Variants in SCN1A observed in about 807,000 individuals in gnomAD.
The protein encoded by SCN1A is sodium channel protein type 1 subunit alpha.
In SCN1A, 13 loss-of-function variants were observed where a neutral mutation model predicts 193.7. The ratio of observed to expected loss-of-function variants is 0.07; its 90% confidence interval spans 0.04 to 0.11. The LOEUF (loss-of-function observed/expected upper bound fraction) is 0.11. Ranked by LOEUF, SCN1A falls within the 10% of genes least tolerant of loss-of-function variation. The pLI, the probability that SCN1A is intolerant of heterozygous loss-of-function variation, is 1.00. For synonymous variants in SCN1A, 781 were observed against 843.6 expected (o/e 0.93, Z 1.29); for missense variants, 1,432 against 2,451.1 (o/e 0.58, Z 8.78).
At chr2:166,147,514 T>C (rs931991967) in intron 1 of SCN1A, among the ~76,000 whole-genome samples, 6 of 152,200 alleles carry the variant, frequency 3.9e-5, no homozygotes, top group African/African-American at 1.2e-4. Flanking sequence ...AACACTGACA[T>C]TGTTATCTGA....
rs1303045681 is a variant in SCN1A, at chr2:165,985,862, C to G, written c.*5383G>C. The G allele has an allele frequency of 6.6e-6, 1 of 152,038 alleles. No homozygotes were observed. Among genetic ancestry groups the G allele is most frequent in the Non-Finnish European group, 1.5e-5 (1 of 67,982 alleles). The allele number at this position is 152,038 out of a possible 1,614,324, so 9.4% of individuals were successfully genotyped here. A position where few individuals can be genotyped will look rare whatever the true frequency, so the allele number is the denominator to read the frequency against. On this transcript the variant is annotated 3_prime_UTR_variant, in exon 29 of 29. Coordinates refer to ENST00000674923, the MANE Select transcript of SCN1A (RefSeq NM_001165963.4). ...TATTTTCTTATATAATAAGAAATTC[C>G]AGTGCACACATGAAGAATATGCAAT... is the stretch of plus-strand genomic sequence containing the variant.
chr2:166,026,875 G>A (rs1198154623), intron 19 of SCN1A, among the ~76,000 whole-genome samples: 1 of 151,390 alleles, frequency 6.6e-6, no homozygotes, highest in African/African-American at 2.4e-5. Context: ...AGTAGAGATG[G>A]GGTTTCACCG....
chr2:166,068,809 A>T (rs186791224), intron 4 of SCN1A, among the ~76,000 whole-genome samples: 8 of 152,330 alleles, frequency 5.3e-5, no homozygotes, highest in African/African-American at 1.9e-4. Context: ...AGGACTTTTT[A>T]AAAATGAATG....
chr2:166,144,785 C>G (rs2106307280), intron 1 of SCN1A, among the ~76,000 whole-genome samples: 1 of 151,852 alleles, frequency 6.6e-6, no homozygotes, highest in Admixed American at 6.6e-5. Context: ...TTTATTTTCT[C>G]ACTGCAAAAT....
rs1697676859 is a variant in SCN1A at position 166,045,253 on chromosome 2, A to G, written c.1452T>C (p.Ser484=). 1 of 1,614,146 alleles carries G rather than the reference A, an allele frequency of 6.2e-7. No individual in the cohort carries two copies. The highest frequency in any genetic ancestry group is 8.5e-7 in the Non-Finnish European group (1 of 1,180,002). ...SAAGRLSDSS[S]EASKLSSKSA... ...TCTTGGAACTCAACTTAGAGGCTTCAGATGAGCTGTCTGAGAGCCTGCCTG... is the reference window on the plus strand; with the variant it reads ...TCTTGGAACTCAACTTAGAGGCTTCGGATGAGCTGTCTGAGAGCCTGCCTG... Residue 484 remains serine (S), a synonymous_variant, in exon 13 of 29, where the codon TCT becomes TCC. Coordinates refer to ENST00000674923, the MANE Select transcript of SCN1A (RefSeq NM_001165963.4).
chr2:166,113,173 CACTCA>C (rs558570120), intron 2 of SCN1A, among the ~76,000 whole-genome samples: 11 of 152,072 alleles, frequency 7.2e-5, no homozygotes, highest in Admixed American at 6.5e-4. Context: ...AATTGTGGGA[CACTCA>C]ACTGGCTGTC....
intron 1 of SCN1A, among the ~76,000 whole-genome samples, chr2:166,141,762 A>T (rs1249558264): frequency 2.0e-5 from 3 of 149,056 alleles, no homozygotes; most frequent in African/African-American, 7.4e-5. Flanking sequence ...AACAATGCGG[A>T]TGTATACATT....
intron 21 of SCN1A, 31 bp downstream of exon 21, chr2:166,013,713 T>C: frequency 6.2e-7 from 1 of 1,603,394 alleles, no homozygotes; most frequent in Non-Finnish European, 8.5e-7. Context: ...TAAAAATTAG[T>C]GCTGTATCAC....
chr2:165,991,962 G>T lies in SCN1A; in HGVS notation c.5313C>A (p.Ile1771=). The T allele has an allele frequency of 6.2e-7, 1 of 1,613,900 alleles. No homozygotes were observed. Among genetic ancestry groups the T allele is most frequent in the Non-Finnish European group, 8.5e-7 (1 of 1,179,932 alleles). ...VGIFFFVSYI[I]ISFLVVVNMY... ...TGTTCACCACAACCAGGAAGGATAT[G>T]ATGATGTAACTGACAAAAAAGAAAA... The change falls in exon 29 of 29, where the codon ATC becomes ATA. Residue 1771 remains isoleucine (I), a synonymous_variant. Coordinates refer to ENST00000674923, the MANE Select transcript of SCN1A (RefSeq NM_001165963.4).
intron 23 of SCN1A, among the ~76,000 whole-genome samples, chr2:166,006,243 T>G (rs974490012): frequency 5.3e-5 from 8 of 151,332 alleles, no homozygotes; most frequent in African/African-American, 1.9e-4. Context: ...GAATCTTTCT[T>G]AAAAATCTAA....
chr2:166,036,507 C>T lies in SCN1A; in HGVS notation c.2970G>A (p.Leu990=), dbSNP rs897883046. The T allele has an allele frequency of 3.7e-6, 6 of 1,613,622 alleles. No individual in the cohort carries two copies. Among genetic ancestry groups the T allele is most frequent in the Middle Eastern group, 1.7e-4 (1 of 6,056 alleles). The part of the protein sequence containing the change: ...NLVVLNLFLA[L]LLSSFSADNL... ...TGTCTGCACTAAATGAGCTCAGAAG[C>T]AAGGCCAGAAAGAGATTCAGGACCT... Residue 990 remains leucine (L), a synonymous_variant, in exon 19 of 29, where the codon TTG becomes TTA. Transcript: ENST00000674923.
At chr2:166,115,538 G>C (rs1231963222) in intron 2 of SCN1A, among the ~76,000 whole-genome samples, 2 of 152,128 alleles carry the variant, frequency 1.3e-5, no homozygotes, top group Non-Finnish European at 2.9e-5. Flanking sequence ...AATACTCATA[G>C]TATATATGAG....
At chr2:165,994,604 G>GT (rs1389713947) in intron 27 of SCN1A, among the ~76,000 whole-genome samples, 188 bp from the exon 28 acceptor site, 1 of 151,810 alleles carries the variant, frequency 6.6e-6, no homozygotes, top group Non-Finnish European at 1.5e-5. Flanking sequence ...TTACTAATGT[G>GT]TATTTCTCAG....
At chr2:166,083,730 A>G (rs1685779248) in intron 2 of SCN1A, among the ~76,000 whole-genome samples, 2 of 152,164 alleles carry the variant, frequency 1.3e-5, no homozygotes, top group African/African-American at 4.8e-5. Context: ...CACATAATAA[A>G]TCATGTGAAA....
At chr2:166,118,540 G>A (rs1690166650) in intron 2 of SCN1A, among the ~76,000 whole-genome samples, 1 of 151,690 alleles carries the variant, frequency 6.6e-6, no homozygotes, top group African/African-American at 2.4e-5. Context: ...GGCCCAGGTG[G>A]CACTGAAATG....
At chr2:166,102,112 T>C (rs1210944163) in intron 2 of SCN1A, among the ~76,000 whole-genome samples, 1 of 152,034 alleles carries the variant, frequency 6.6e-6, no homozygotes, top group African/African-American at 2.4e-5. Flanking sequence ...AACAAGCATA[T>C]GAAAAAATGC....
chr2:166,088,412 A>C (rs1052963699), intron 2 of SCN1A, among the ~76,000 whole-genome samples: 1 of 151,320 alleles, frequency 6.6e-6, no homozygotes, highest in Non-Finnish European at 1.5e-5. Flanking sequence ...TAGTTAAAAC[A>C]AAAATTGCTA....
chr2:166,147,500 T>A (rs1389299121), intron 1 of SCN1A, among the ~76,000 whole-genome samples: 1 of 152,134 alleles, frequency 6.6e-6, no homozygotes, highest in Non-Finnish European at 1.5e-5. Context: ...TTATAGACAA[T>A]TTGAACACTG....
chr2:166,013,159 A>G (rs1400648031), intron 21 of SCN1A, among the ~76,000 whole-genome samples: 1 of 151,492 alleles, frequency 6.6e-6, no homozygotes, highest in Non-Finnish European at 1.5e-5. Flanking sequence ...CTATAAAAAT[A>G]AATTGATTCT....
Sources: allele counts gnomAD v4.1 joint callset (sites outside exome capture counted in the v4.1 genomes callset), GRCh38; gene constraint gnomAD v4.1.1; transcripts MANE v1.5; gene names NCBI Gene and HGNC (gene_info 2026-07-23, HGNC 2026-07-21).